The following CTXN2 variants were observed in gnomAD, a reference collection of about 807,000 sequenced individuals.
The protein encoded by CTXN2 is cortexin-2.
A neutral mutation model predicts 5.7 loss-of-function variants in CTXN2; 3 were observed. The ratio of observed to expected loss-of-function variants is 0.53; its 90% CI spans 0.24 to 1.36. The LOEUF is 1.36. Among genes scored for constraint, CTXN2 ranks in the 40% most tolerant of loss-of-function variants. The pLI, the probability that CTXN2 is intolerant of heterozygous loss-of-function variation, is 0.17. For synonymous variants in CTXN2, 38 were observed against 36.4 expected (o/e 1.04, Z -0.16); for missense variants, 87 against 93.0 (o/e 0.94, Z 0.26).
chr15:48,200,117 G>C (rs919018374), intron 1 of CTXN2, among the ~76,000 whole-genome samples: 2 of 151,818 alleles, frequency 1.3e-5, no homozygotes, highest in Admixed American at 1.3e-4. Flanking sequence ...CTGAAAATTA[G>C]GTCCAAACAA....
intron 1 of CTXN2, among the ~76,000 whole-genome samples, chr15:48,197,115 C>T (rs1440246198): frequency 6.6e-6 from 1 of 150,832 alleles, no homozygotes; most frequent in African/African-American, 2.4e-5. Context: ...TAGCATTAAA[C>T]CATCTTGTAC....
At chr15:48,197,219 T>C (rs913503885) in intron 1 of CTXN2, among the ~76,000 whole-genome samples, 1 of 152,014 alleles carries the variant, frequency 6.6e-6, no homozygotes, top group East Asian at 1.9e-4. Flanking sequence ...AAAGGCTGTT[T>C]CCACAAATTT....
At chr15:48,187,993 A>G (rs1219091012), upstream of CTXN2, among the ~76,000 whole-genome samples, 1 of 152,162 alleles carries the variant, frequency 6.6e-6, no homozygotes, top group African/African-American at 2.4e-5. Context: ...CTTCATAGCT[A>G]ATTAGATGAT....
chr15:48,179,327 A>T (rs11070627), intron 1 of CTXN2, among the ~76,000 whole-genome samples: 125,851 of 151,962 alleles, frequency 0.83, 56,193 homozygotes, highest in Non-Finnish European at 1. Flanking sequence ...TAATACTCAA[A>T]TAACATAATT....
At position 48,202,086 on chromosome 15, in the gene CTXN2, T is replaced by G. The variant is rs1251176281; in HGVS notation, c.*540T>G. Reference sequence around the variant, plus strand: ...TACAAGTAGTCACAGGCCCTAAAGCTCCCCAAATTTCACAGAGCCCTGACC... The same window carrying G: ...TACAAGTAGTCACAGGCCCTAAAGCGCCCCAAATTTCACAGAGCCCTGACC... On this transcript the variant is annotated 3_prime_UTR_variant, in exon 2 of 2. Transcript: ENST00000417307. 5.9e-6 allele frequency: 1 copy of G among 170,022 alleles called. No homozygotes were observed. Among genetic ancestry groups the G allele is most frequent in the Non-Finnish European group, 1.4e-5 (1 of 70,084 alleles). The allele number at this position is 170,022 out of a possible 1,614,324, so 10.5% of individuals were successfully genotyped here. A position where few individuals can be genotyped will look rare whatever the true frequency, so the allele number is the denominator to read the frequency against.
chr15:48,193,299 T>A (rs917404479), intron 1 of CTXN2, among the ~76,000 whole-genome samples: 1 of 152,146 alleles, frequency 6.6e-6, no homozygotes, highest in Non-Finnish European at 1.5e-5. Flanking sequence ...TATTTTATCA[T>A]TTGCATCAGT....
rs970909800 is a variant in CTXN2, at chr15:48,191,756, T to G, written c.-155T>G. On this transcript the variant is annotated 5_prime_UTR_variant, in exon 1 of 2. Transcript: ENST00000417307. ...TCTACGCAGGTTCCAGAACACGCCT[T>G]CTACATTTGTTACTGAACCGATCAG... 2 of 456,024 alleles carry G rather than the reference T, an allele frequency of 4.4e-6. No homozygotes were observed. The highest frequency in any genetic ancestry group is 8.8e-6 in the Non-Finnish European group (2 of 226,792). The allele number at this position is 456,024 out of a possible 1,614,324, so 28.2% of individuals were successfully genotyped here.
chr15:48,179,238 A>G (rs146056251), intron 1 of CTXN2, among the ~76,000 whole-genome samples: 108 of 152,134 alleles, frequency 7.1e-4, no homozygotes, highest in African/African-American at 2.6e-3. Flanking sequence ...TTTTTTTTCC[A>G]TGAAGAAGCA....
intron 1 of CTXN2, among the ~76,000 whole-genome samples, 174 bp from the exon 2 acceptor site, chr15:48,201,070 T>C (rs1399718938): frequency 6.6e-6 from 1 of 152,196 alleles, no homozygotes; most frequent in Non-Finnish European, 1.5e-5. Flanking sequence ...AATTACAACA[T>C]TTAGAAGTAG....
chr15:48,191,524 C>A (rs970542053), upstream of CTXN2: 3 of 313,034 alleles, frequency 9.6e-6, no homozygotes, highest in Middle Eastern at 2.5e-3. Flanking sequence ...CACCTCCTTT[C>A]AGTCTCACAT....
chr15:48,190,347 T>C (rs1216576956), upstream of CTXN2, among the ~76,000 whole-genome samples: 1 of 152,212 alleles, frequency 6.6e-6, no homozygotes, highest in Non-Finnish European at 1.5e-5. Flanking sequence ...ACCATGGCCA[T>C]GGAAATGTCC....
chr15:48,195,940 G>A (rs2040875349), intron 1 of CTXN2, among the ~76,000 whole-genome samples: 2 of 151,994 alleles, frequency 1.3e-5, no homozygotes, highest in Admixed American at 6.6e-5. Flanking sequence ...TCCCTTACTA[G>A]TTGGAATCCC....
Position 48,191,667 on chromosome 15 carries a change from C to T in CTXN2, c.-244C>T, listed in dbSNP as rs1446546567. On this transcript the variant is annotated 5_prime_UTR_variant, in exon 1 of 2. Transcript: ENST00000417307. The stretch of plus-strand genomic sequence containing the variant: ...TTCGGCGGGCGCCCACGTCCTCTGT[C>T]TCACCAACAGACACAGACATTTACA... 3 of 453,876 alleles carry T rather than the reference C, an allele frequency of 6.6e-6. No individual in the cohort carries two copies. Among genetic ancestry groups the T allele is most frequent in the African/African-American group, 6.0e-5 (3 of 49,996 alleles). 28.1% of individuals were successfully genotyped at this position (453,876 alleles called of 1,614,324 possible). A position where few individuals can be genotyped will look rare whatever the true frequency, so the allele number is the denominator to read the frequency against.
At chr15:48,192,656 T>C (rs2040835071) in intron 1 of CTXN2, among the ~76,000 whole-genome samples, 1 of 152,218 alleles carries the variant, frequency 6.6e-6, no homozygotes, top group South Asian at 2.1e-4. Flanking sequence ...AAATTATGAA[T>C]GTCATCATTA....
At chr15:48,187,105 T>G (rs1316368422), upstream of CTXN2, among the ~76,000 whole-genome samples, 1 of 152,048 alleles carries the variant, frequency 6.6e-6, no homozygotes, top group Non-Finnish European at 1.5e-5. Context: ...TATATATGTA[T>G]TTTTAGGAAG....
upstream of CTXN2, among the ~76,000 whole-genome samples, chr15:48,186,744 CA>C (rs999433926): frequency 1.4e-4 from 21 of 145,536 alleles, no homozygotes; most frequent in African/African-American, 3.0e-4. Context: ...ACTAAAAATA[CA>C]AAAAAAAAAT....
intron 1 of CTXN2, among the ~76,000 whole-genome samples, chr15:48,186,555 A>G (rs1400160447): frequency 6.6e-6 from 1 of 152,176 alleles, no homozygotes; most frequent in African/African-American, 2.4e-5. Context: ...AATGACCTAA[A>G]GGAAGATCTC....
rs2040939319 is a variant in CTXN2 at position 48,202,860 on chromosome 15, A to G, written c.*1314A>G. On this transcript the variant is annotated 3_prime_UTR_variant, in exon 2 of 2. Coordinates refer to ENST00000417307, the MANE Select transcript of CTXN2 (RefSeq NM_001145668.2). The stretch of plus-strand genomic sequence containing the variant: ...TCCAACTACAAACTTCTGACTCTCT[A>G]TGAGTCAGAATGGAGGAACATAGCA... 1 of 165,316 alleles carries G rather than the reference A, an allele frequency of 6.0e-6. No individual in the cohort carries two copies. The highest frequency in any genetic ancestry group is 1.5e-5 in the Non-Finnish European group (1 of 68,114). 10.2% of individuals were successfully genotyped at this position (165,316 alleles called of 1,614,324 possible). A position where few individuals can be genotyped will look rare whatever the true frequency, so the allele number is the denominator to read the frequency against.
chr15:48,185,143 G>A (rs2040736575), intron 1 of CTXN2, among the ~76,000 whole-genome samples: 1 of 152,086 alleles, frequency 6.6e-6, no homozygotes, highest in South Asian at 2.1e-4. Flanking sequence ...GGTTTGTGAG[G>A]GGAAGAGGAA....
Sources: allele counts gnomAD v4.1 joint callset (sites outside exome capture counted in the v4.1 genomes callset), GRCh38; gene constraint gnomAD v4.1.1; transcripts MANE v1.5; gene names NCBI Gene and HGNC (gene_info 2026-07-23, HGNC 2026-07-21).